The following NCALD variants were observed in gnomAD, a reference collection of about 807,000 sequenced individuals.
The protein encoded by NCALD is neurocalcin delta.
Under a neutral mutation model 18.6 loss-of-function variants are expected in NCALD, and 10 were observed. The ratio of observed to expected loss-of-function variants is 0.54; its 90% confidence interval spans 0.33 to 0.91. NCALD has a LOEUF of 0.91. NCALD is among the 40% of genes least tolerant of loss of function. The pLI is 0.03. For missense variants in NCALD, 184 were observed against 247.6 expected (o/e 0.74, Z 1.72); for synonymous variants, 88 against 87.4 (o/e 1.01, Z -0.04).
At chr8:101,767,962 C>T (rs1055517312) in intron 1 of NCALD, among the ~76,000 whole-genome samples, 2 of 152,164 alleles carry the variant, frequency 1.3e-5, no homozygotes, top group African/African-American at 4.8e-5. Flanking sequence ...CAGGCGTGTG[C>T]CAAAAACTTT....
chr8:101,939,067 C>T (rs1398862279), intron 2 of NCALD, among the ~76,000 whole-genome samples: 4 of 152,306 alleles, frequency 2.6e-5, no homozygotes, highest in South Asian at 4.1e-4. Context: ...CAAGATTTAT[C>T]GCTGTAGCCT....
intron 2 of NCALD, among the ~76,000 whole-genome samples, chr8:101,981,363 T>C (rs1169649316): frequency 6.6e-6 from 1 of 152,236 alleles, no homozygotes; most frequent in African/African-American, 2.4e-5. Flanking sequence ...GAGTTAAATA[T>C]TTCTTCCAAT....
At chr8:101,819,287 A>AT (rs1213369518) in intron 4 of NCALD, among the ~76,000 whole-genome samples, 2 of 150,808 alleles carry the variant, frequency 1.3e-5, no homozygotes, top group South Asian at 4.2e-4. Context: ...TTATTTATTT[A>AT]TTTATTTATT....
At chr8:101,798,578 A>T (rs903170129) in intron 4 of NCALD, among the ~76,000 whole-genome samples, 3 of 152,242 alleles carry the variant, frequency 2.0e-5, no homozygotes, top group Non-Finnish European at 2.9e-5. Context: ...GATATCAACT[A>T]ACCTCTAACT....
rs572114130 is a variant in NCALD at position 101,709,164 on chromosome 8, C to T, written c.378+10088G>A. 2.0e-5 allele frequency among the ~76,000 whole-genome samples: 3 copies of T among 152,286 alleles called. No individual in the cohort carries two copies. The South Asian group carries it at 6.2e-4, about 32-fold the overall frequency. The stretch of plus-strand genomic sequence containing the variant: ...CAGAATTTTCGAGAGTTTAAATACC[C>T]GCTAGAGGATTCCACTGGTTACTTT... On this transcript the variant is annotated intron_variant, in intron 2 of 3. Transcript: ENST00000220931.
At chr8:101,899,461 C>G (rs1268754448) in intron 3 of NCALD, among the ~76,000 whole-genome samples, 1 of 151,890 alleles carries the variant, frequency 6.6e-6, no homozygotes, top group African/African-American at 2.4e-5. Context: ...TCATCCTTAC[C>G]TGATCTTATG....
At chr8:101,792,267 T>TGTAAAAGAATGAAATTTCTTTA (rs1812474930), upstream of NCALD, among the ~76,000 whole-genome samples, 1 of 152,232 alleles carries the variant, frequency 6.6e-6, no homozygotes, top group Non-Finnish European at 1.5e-5. Flanking sequence ...TTTGTGTCAC[T>TGTAAAAGAATGAAATTTCTTTA]GTAAAAGAAT....
chr8:101,864,412 G>A (rs1004838466), intron 4 of NCALD, among the ~76,000 whole-genome samples: 9 of 152,154 alleles, frequency 5.9e-5, no homozygotes, highest in Non-Finnish European at 1.0e-4. Context: ...ATTACGGATG[G>A]CTCCATGGAA....
At chr8:102,038,114 T>A (rs1043763620) in intron 1 of NCALD, among the ~76,000 whole-genome samples, 3 of 152,138 alleles carry the variant, frequency 2.0e-5, no homozygotes, top group African/African-American at 7.2e-5. Context: ...TTATGCCACA[T>A]GACTCATTGG....
upstream of NCALD, among the ~76,000 whole-genome samples, chr8:101,794,195 ATCTG>A (rs1812549799): frequency 6.6e-6 from 1 of 152,174 alleles, no homozygotes; most frequent in East Asian, 1.9e-4. Flanking sequence ...TTTCTTCTTT[ATCTG>A]TCTGACTCTG....
At chr8:101,913,433 T>C (rs1178231682) in intron 3 of NCALD, among the ~76,000 whole-genome samples, 1 of 152,248 alleles carries the variant, frequency 6.6e-6, no homozygotes, top group African/African-American at 2.4e-5. Context: ...GAGTGAGTCT[T>C]GAAACACAAA....
intron 1 of NCALD, among the ~76,000 whole-genome samples, chr8:102,110,230 AT>A (rs1189536140): frequency 6.6e-6 from 1 of 152,088 alleles, no homozygotes; most frequent in Non-Finnish European, 1.5e-5. Context: ...TTGAAGGAAA[AT>A]TTTTTTCATT....
chr8:101,844,562 C>A (rs942158845), intron 4 of NCALD, among the ~76,000 whole-genome samples: 1 of 151,894 alleles, frequency 6.6e-6, no homozygotes, highest in African/African-American at 2.4e-5. Flanking sequence ...GGTCTCGCTG[C>A]GTTGCCACAG....
chr8:101,848,072 C>G (rs187187345), intron 4 of NCALD, among the ~76,000 whole-genome samples: 1 of 152,220 alleles, frequency 6.6e-6, no homozygotes, highest in African/African-American at 2.4e-5. Context: ...CTGAATGAGA[C>G]AAGCATGTGG....
rs182510063 is a variant in NCALD at position 102,003,396 on chromosome 8, A to G, written c.-157+16841T>C. 6.0e-3 allele frequency among the ~76,000 whole-genome samples: 921 copies of G among 152,268 alleles called. 10 individuals carry two copies. Among genetic ancestry groups the G allele is most frequent in the African/African-American group, 0.018 (739 of 41,556 alleles). ...AATTGAGGCAATAATTAATAGCTTA[A>G]CAACCAAAAAGATTCCAGGACCAGA... On this transcript the variant is annotated intron_variant, in intron 2 of 6. Coordinates refer to the NCALD transcript ENST00000311028.
intron 4 of NCALD, among the ~76,000 whole-genome samples, chr8:101,866,830 T>C (rs1170381797): frequency 6.6e-6 from 1 of 152,180 alleles, no homozygotes; most frequent in Non-Finnish European, 1.5e-5. Flanking sequence ...CCTTACCCTC[T>C]TTAGCCTCTT....
At chr8:101,822,541 A>C (rs769927792) in intron 4 of NCALD, among the ~76,000 whole-genome samples, 1 of 152,210 alleles carries the variant, frequency 6.6e-6, no homozygotes, top group Non-Finnish European at 1.5e-5. Flanking sequence ...AAGGGCGAAG[A>C]GGGAGAAACC....
intron 4 of NCALD, among the ~76,000 whole-genome samples, chr8:101,868,223 T>C (rs540620424): frequency 6.6e-6 from 1 of 152,134 alleles, no homozygotes; most frequent in African/African-American, 2.4e-5. Flanking sequence ...AGGGCCCCAC[T>C]TTTGCCTTTT....
intron 2 of NCALD, among the ~76,000 whole-genome samples, chr8:101,947,151 G>A (rs1819207935): frequency 6.6e-6 from 1 of 152,210 alleles, no homozygotes; most frequent in African/African-American, 2.4e-5. Context: ...AATGGCTACT[G>A]AGATGTGGAA....
Sources: gnomAD v4.1 joint callset for allele counts (sites outside exome capture counted in the v4.1 genomes callset) on GRCh38, gnomAD v4.1.1 for gene constraint, MANE v1.5 for transcripts, NCBI Gene and HGNC (gene_info 2026-07-23, HGNC 2026-07-21) for gene names.